NME7: variants seen among roughly 807,000 people sequenced by gnomAD.
NME7 encodes nucleoside diphosphate kinase 7.
In NME7, 41 loss-of-function variants were observed where a neutral mutation model predicts 49.1. The ratio of observed to expected loss-of-function variants is 0.83; its 90% CI spans 0.65 to 1.08. NME7 has a LOEUF of 1.08. Among genes scored for constraint, NME7 ranks in the 50% least tolerant of loss-of-function variants. NME7 has a pLI of 0.00. For missense variants in NME7, 423 were observed against 463.4 expected (o/e 0.91, Z 0.80); for synonymous variants, 139 against 150.6 (o/e 0.92, Z 0.56).
chr1:169,141,161 T>C (rs1244247003), intron 11 of NME7, among the ~76,000 whole-genome samples: 4 of 152,136 alleles, frequency 2.6e-5, no homozygotes, highest in African/African-American at 9.7e-5. Context: ...AGAAAACTAC[T>C]GTCCTAGATA....
rs529087054 is a variant in NME7, at chr1:169,278,631, A to G, written c.754+8672T>C. Among the ~76,000 whole-genome samples the G allele has an allele frequency of 1.3e-3, 193 of 152,184 alleles. 1 individual carries two copies. Among genetic ancestry groups the G allele is most frequent in the African/African-American group, 4.5e-3 (187 of 41,542 alleles). On this transcript the variant is annotated intron_variant, in intron 7 of 11. Transcript: ENST00000367811. ...TTTCACCTTCTTTGCCTTTGATTTG[A>G]ATTTCCTCCTATAGCTTGCAGTAGT...
chr1:169,327,421 C>G (rs942814931), intron 1 of NME7, among the ~76,000 whole-genome samples: 3 of 152,150 alleles, frequency 2.0e-5, no homozygotes, highest in Admixed American at 2.0e-4. Flanking sequence ...CACATAATCA[C>G]ACTTTGTTCC....
chr1:169,186,729 T>G (rs1557978964), intron 10 of NME7, among the ~76,000 whole-genome samples: 1 of 152,198 alleles, frequency 6.6e-6, no homozygotes, highest in East Asian at 1.9e-4. Flanking sequence ...ACTGATTTTT[T>G]GAAGGGTTTT....
At chr1:169,144,279 A>T (rs1301452489) in intron 11 of NME7, among the ~76,000 whole-genome samples, 1 of 152,192 alleles carries the variant, frequency 6.6e-6, no homozygotes, top group Non-Finnish European at 1.5e-5. Flanking sequence ...TATCCCTCAA[A>T]TGAGAAGACA....
At chr1:169,300,391 A>C (rs1054886109) in intron 5 of NME7, among the ~76,000 whole-genome samples, 4 of 152,070 alleles carry the variant, frequency 2.6e-5, no homozygotes, top group African/African-American at 9.7e-5. Flanking sequence ...TTTTTTAAAA[A>C]CCCACTACTC....
In NME7 at chr1:169,265,859, A is replaced by G. The variant is rs905811966; in HGVS notation, c.754+21444T>C. Among the ~76,000 whole-genome samples, 43 of 133,170 alleles carry G rather than the reference A, an allele frequency of 3.2e-4. 11 individuals are homozygous for G. Among genetic ancestry groups the G allele is most frequent in the Non-Finnish European group, 8.8e-5 (5 of 56,730 alleles). 87.4% of individuals were successfully genotyped at this position (133,170 alleles called of 152,430 possible). A position where few individuals can be genotyped will look rare whatever the true frequency, so the allele number is the denominator to read the frequency against. ...ACACCGTTATGCACATAAGCTAGAA[A>G]ATCTAAAATAAATGAGTAATTCCTG... is the stretch of plus-strand genomic sequence containing the variant. On this transcript the variant is annotated intron_variant, in intron 7 of 11. Transcript: ENST00000367811.
intron 1 of NME7, among the ~76,000 whole-genome samples, chr1:169,365,810 G>T (rs1283921961): frequency 1.3e-5 from 2 of 152,146 alleles, no homozygotes; most frequent in African/African-American, 2.4e-5. Context: ...ATGAGGAGAT[G>T]ACAAACTAAA....
rs554513249 is a variant in NME7, at chr1:169,274,269, G to A, written c.754+13034C>T. Among the ~76,000 whole-genome samples, 29 of 134,050 alleles carry A rather than the reference G, an allele frequency of 2.2e-4. 2 individuals are homozygous for A. In the East Asian group the frequency reaches 3.6e-3, roughly 17 times the overall value. The allele number at this position is 134,050 out of a possible 152,430, so 87.9% of individuals were successfully genotyped here. A position where few individuals can be genotyped will look rare whatever the true frequency, so the allele number is the denominator to read the frequency against. ...TTTGGCTGCATAAATGTCTTCTTTTGAGAAGTGTCTGTTCATATTCTTTGT... is the reference window on the plus strand; with the variant it reads ...TTTGGCTGCATAAATGTCTTCTTTTAAGAAGTGTCTGTTCATATTCTTTGT... On this transcript the variant is annotated intron_variant, in intron 7 of 11. Transcript: ENST00000367811.
At chr1:169,223,082 C>G (rs987829656) in intron 10 of NME7, among the ~76,000 whole-genome samples, 3 of 152,152 alleles carry the variant, frequency 2.0e-5, no homozygotes, top group Non-Finnish European at 4.4e-5. Flanking sequence ...CAGTCCTGAA[C>G]AGTTCCTCAG....
chr1:169,268,384 T>C (rs1649383942), intron 7 of NME7, among the ~76,000 whole-genome samples: 1 of 133,776 alleles, frequency 7.5e-6, no homozygotes, highest in African/African-American at 2.5e-5. Context: ...AGTGTGGCGA[T>C]TCCTCAAAGG....
intron 7 of NME7, among the ~76,000 whole-genome samples, chr1:169,238,885 T>C (rs1016494776): frequency 2.0e-5 from 3 of 152,082 alleles, no homozygotes; most frequent in Non-Finnish European, 4.4e-5. Flanking sequence ...ATTAATGCTA[T>C]TATGTTAAAT....
At chr1:169,345,900 C>G (rs894837135) in intron 1 of NME7, among the ~76,000 whole-genome samples, 1 of 152,148 alleles carries the variant, frequency 6.6e-6, no homozygotes, top group Non-Finnish European at 1.5e-5. Context: ...TCTTCCGCAT[C>G]TTAGTTAACA....
intron 7 of NME7, among the ~76,000 whole-genome samples, chr1:169,248,922 CTTGT>C (rs149630600): frequency 0.1 from 15,877 of 151,864 alleles, 873 homozygotes; most frequent in Admixed American, 0.12. Flanking sequence ...CGTCTGTTTT[CTTGT>C]TTGTTTGTTT....
intron 11 of NME7, among the ~76,000 whole-genome samples, chr1:169,145,508 A>C (rs370137779): frequency 6.6e-6 from 1 of 152,160 alleles, no homozygotes; most frequent in East Asian, 1.9e-4. Flanking sequence ...TGAGGACAGA[A>C]GCATTATCAG....
chr1:169,283,375 C>T (rs1650119014), intron 7 of NME7, among the ~76,000 whole-genome samples: 1 of 152,130 alleles, frequency 6.6e-6, no homozygotes, highest in South Asian at 2.1e-4. Context: ...ATACAGCACA[C>T]TGATGGGTCT....
chr1:169,268,731 T>C (rs1649395368), intron 7 of NME7, among the ~76,000 whole-genome samples: 2 of 133,054 alleles, frequency 1.5e-5, no homozygotes, highest in African/African-American at 5.1e-5. Context: ...AAGTGGAAGC[T>C]AAATAATGAA....
chr1:169,287,155 T>C (rs1335446159), intron 7 of NME7, 148 bp downstream of exon 7: 10 of 659,962 alleles, frequency 1.5e-5, no homozygotes, highest in Non-Finnish European at 2.4e-5. Context: ...TTTTCCCTTA[T>C]ATTTTGTCAC....
intron 7 of NME7, among the ~76,000 whole-genome samples, chr1:169,254,354 G>A (rs1343599597): frequency 1.3e-5 from 2 of 152,012 alleles, no homozygotes; most frequent in Non-Finnish European, 2.9e-5. Flanking sequence ...TTTGCGTAGA[G>A]GTGTTTGTAG....
rs71121769 is a variant in NME7 at position 169,350,288 on chromosome 1, A to AGG, written c.3+17419_3+17420insCC. 1.3e-3 allele frequency among the ~76,000 whole-genome samples: 199 copies of AGG among 151,538 alleles called. 1 individual carries two copies. The highest frequency in any genetic ancestry group is 3.7e-3 in the African/African-American group (153 of 41,288). The stretch of plus-strand genomic sequence containing the variant: ...AAGGAAGGAAGGAAGGAAGGAAGGA[A>AGG]AGAGCCCTGCTCTCAAGGAGCTCAC... On this transcript the variant is annotated intron_variant, in intron 1 of 11. Coordinates refer to ENST00000367811, the MANE Select transcript of NME7 (RefSeq NM_013330.5).
Sources: gnomAD v4.1 joint callset for allele counts (sites outside exome capture counted in the v4.1 genomes callset) on GRCh38, gnomAD v4.1.1 for gene constraint, MANE v1.5 for transcripts, NCBI Gene and HGNC (gene_info 2026-07-23, HGNC 2026-07-21) for gene names.